The following PHYH variants were observed in gnomAD, a reference collection of about 807,000 sequenced individuals.
PHYH encodes the protein phytanoyl-CoA 2-hydroxylase.
PHYH carries 32 observed loss-of-function variants against 38.5 expected under a neutral mutation model. The observed-to-expected ratio is 0.83, with a 90% CI of 0.63 to 1.12. PHYH has a LOEUF of 1.12. PHYH is among the 50% of genes most tolerant of loss of function. PHYH has a pLI of 0.00. For missense variants in PHYH, 426 were observed against 434.8 expected, an observed-to-expected ratio of 0.98 and a Z score of 0.18; for synonymous variants, 166 against 157.9, an observed-to-expected ratio of 1.05 and a Z score of -0.38.
chr10:13,294,876 T>G, intron 3 of PHYH: 1 of 451,220 alleles, frequency 2.2e-6, no homozygotes, highest in Non-Finnish European at 4.1e-6. Flanking sequence ...TCTGTAACAC[T>G]TACCATGTGC....
chr10:13,291,372 A>G (rs1016617164), intron 5 of PHYH: 1 of 177,924 alleles, frequency 5.6e-6, no homozygotes, highest in Non-Finnish European at 1.2e-5. Flanking sequence ...TAATTACCAC[A>G]TTTCACTGTT....
chr10:13,290,182 C>G (rs1156488601), intron 5 of PHYH, among the ~76,000 whole-genome samples: 1 of 145,314 alleles, frequency 6.9e-6, no homozygotes, highest in Non-Finnish European at 1.5e-5. Context: ...GTAATCCCAG[C>G]TATTCAGGAG....
intron 2 of PHYH, among the ~76,000 whole-genome samples, chr10:13,297,404 AAAG>A (rs1832590957): frequency 6.6e-6 from 1 of 151,602 alleles, no homozygotes; most frequent in Admixed American, 6.6e-5. Context: ...AAGATAAACC[AAAG>A]ATGCTAGCTA....
chr10:13,281,447 A>G (rs990843967), intron 7 of PHYH, among the ~76,000 whole-genome samples: 1 of 152,000 alleles, frequency 6.6e-6, no homozygotes, highest in Non-Finnish European at 1.5e-5. Flanking sequence ...GAATATCCCA[A>G]AGTCTTAAGA....
At chr10:13,283,131 A>ATTTTTTTTTTTTTTT (rs398012850) in intron 7 of PHYH, among the ~76,000 whole-genome samples, 2 of 117,926 alleles carry the variant, frequency 1.7e-5, no homozygotes, top group African/African-American at 3.5e-5. Flanking sequence ...TTCATAATCA[A>ATTTTTTTTTTTTTTT]TTTTTTTTTT....
chr10:13,278,353 T>C lies in PHYH; in HGVS notation c.965A>G (p.Asp322Gly). 1.2e-6 allele frequency: 2 copies of C among 1,609,464 alleles called. No individual in the cohort carries two copies. Among genetic ancestry groups the C allele is most frequent in the Non-Finnish European group, 1.7e-6 (2 of 1,175,834 alleles). Reference sequence around the variant, plus strand: ...AAGTCGAGCTCGAAACATCCAAATATCCTGGAAATAATATCAAACAGAGTG... The same window carrying C: ...AAGTCGAGCTCGAAACATCCAAATACCCTGGAAATAATATCAAACAGAGTG... ...FGAENSVNLK[D>G]IWMFRARLVK... The change falls in exon 9 of 9, where the codon GAT becomes GGT. Residue 322 changes from aspartate (D) to glycine (G), a missense_variant and splice_region_variant. Transcript: ENST00000263038.
At chr10:13,278,566 G>T (rs117176553) in intron 8 of PHYH, among the ~76,000 whole-genome samples, 1 of 152,128 alleles carries the variant, frequency 6.6e-6, no homozygotes, top group African/African-American at 2.4e-5. Context: ...TGGGGACACA[G>T]TCTCACCCCA....
chr10:13,288,332 T>G (rs1835605893), intron 6 of PHYH, 28 bp downstream of exon 6: 2 of 1,608,826 alleles, frequency 1.2e-6, no homozygotes, highest in Middle Eastern at 2.0e-4. Context: ...GAGATTCGGA[T>G]CAAGACTCAG....
intron 4 of PHYH, among the ~76,000 whole-genome samples, chr10:13,292,933 C>A (rs1213088543): frequency 1.4e-4 from 15 of 109,868 alleles, no homozygotes; most frequent in African/African-American, 4.9e-4. Flanking sequence ...GACTCTGTCT[C>A]AAAAAAAAAA....
chr10:13,283,167 C>T (rs376447833), intron 7 of PHYH, among the ~76,000 whole-genome samples: 8 of 134,248 alleles, frequency 6.0e-5, no homozygotes, highest in East Asian at 2.2e-4. Flanking sequence ...GTCTCGCTGT[C>T]GCCCAGGCTG....
chr10:13,278,700 T>C (rs1474252357), intron 8 of PHYH, among the ~76,000 whole-genome samples: 2 of 151,642 alleles, frequency 1.3e-5, no homozygotes, highest in African/African-American at 4.8e-5. Context: ...AGCTAACTTT[T>C]TGTATTTTCA....
chr10:13,283,859 A>T lies in PHYH; in HGVS notation c.679-20T>A, dbSNP rs752263290. On this transcript the variant is annotated intron_variant, in intron 6 of 8. Coordinates refer to ENST00000263038, the MANE Select transcript of PHYH (RefSeq NM_006214.4). The stretch of plus-strand genomic sequence containing the variant: ...TCCCCCCTAGAACAAGAGGCAAGTG[A>T]AGTCTACATTTGAGGGAGTACCATA... 1.9e-5 allele frequency: 30 copies of T among 1,608,292 alleles called. No individual in the cohort carries two copies. The highest frequency in any genetic ancestry group is 2.3e-5 in the Non-Finnish European group (27 of 1,174,756).
At chr10:13,278,639 C>T (rs1232763404) in intron 8 of PHYH, among the ~76,000 whole-genome samples, 1 of 152,012 alleles carries the variant, frequency 6.6e-6, no homozygotes, top group Non-Finnish European at 1.5e-5. Context: ...AGCGACTCTC[C>T]TGCCTCAGCC....
At position 13,277,953 on chromosome 10, in the gene PHYH, C is replaced by T. The variant is rs1835326212; in HGVS notation, c.*348G>A. The T allele has an allele frequency of 3.0e-6, 1 of 333,624 alleles. No individual in the cohort carries two copies. Among genetic ancestry groups the T allele is most frequent in the Non-Finnish European group, 5.8e-6 (1 of 173,842 alleles). 20.7% of individuals were successfully genotyped at this position (333,624 alleles called of 1,614,324 possible). A position where few individuals can be genotyped will look rare whatever the true frequency, so the allele number is the denominator to read the frequency against. ...GAATGGGTTTATCAGAAAGGGGATA[C>T]AAAACATACCCTAAGCTCCAAATCA... On this transcript the variant is annotated 3_prime_UTR_variant, in exon 9 of 9. Coordinates refer to ENST00000263038, the MANE Select transcript of PHYH (RefSeq NM_006214.4).
At chr10:13,296,546 G>A (rs1409785714) in intron 2 of PHYH, among the ~76,000 whole-genome samples, 3 of 137,038 alleles carry the variant, frequency 2.2e-5, no homozygotes, top group Non-Finnish European at 4.6e-5. Flanking sequence ...CTGGGTGACA[G>A]AGCAAGGCTC....
Position 13,288,403 on chromosome 10 carries a change from G to T in PHYH, c.635C>A (p.Thr212Lys). The change falls in exon 6 of 9, where the codon ACA becomes AAA. Residue 212 changes from threonine (T) to lysine (K), a missense_variant. Coordinates refer to ENST00000263038, the MANE Select transcript of PHYH (RefSeq NM_006214.4). ...NNGCLVVLPG[T>K]HKGSLKPHDY... ...GTGGGGCTTCAGGGAGCCCTTGTGT[G>T]TGCCTGGGAGCACAACCAGACAGCC... The T allele has an allele frequency of 6.2e-7, 1 of 1,614,142 alleles. No homozygotes were observed. Among genetic ancestry groups the T allele is most frequent in the Non-Finnish European group, 8.5e-7 (1 of 1,180,028 alleles).
In PHYH at chr10:13,298,251, A is replaced by G. The variant is rs780853782; in HGVS notation, c.76-6T>C. 6.3e-7 allele frequency: 1 copy of G among 1,587,666 alleles called. No individual in the cohort carries two copies. The highest frequency in any genetic ancestry group is 8.6e-7 in the Non-Finnish European group (1 of 1,156,106). On this transcript the variant is annotated splice_region_variant and splice_polypyrimidine_tract_variant and intron_variant, in intron 1 of 8. Transcript: ENST00000263038. ...CCTGAAGTGGGATGAGCTACCTAGG[A>G]TGTGAATTAAGGCAAATAAAGTAAA...
chr10:13,287,233 G>T lies in PHYH; in HGVS notation c.678+1127C>A, dbSNP rs143918889. ...GCGCGCCTATAATCCCAGCTACTCG[G>T]GAGTCTGAGGCAGGAGAATCACCTG... On this transcript the variant is annotated intron_variant, in intron 6 of 8. Coordinates refer to ENST00000263038, the MANE Select transcript of PHYH (RefSeq NM_006214.4). 2.3e-3 allele frequency among the ~76,000 whole-genome samples: 346 copies of T among 152,130 alleles called. 2 individuals carry two copies. The highest frequency in any genetic ancestry group is 8.1e-3 in the African/African-American group (335 of 41,506).
intron 7 of PHYH, among the ~76,000 whole-genome samples, chr10:13,282,369 T>C (rs1835432455): frequency 6.6e-6 from 1 of 152,130 alleles, no homozygotes; most frequent in Admixed American, 6.6e-5. Context: ...GGTGAGACGA[T>C]CACTCAAGGC....
Sources: allele counts gnomAD v4.1 joint callset (sites outside exome capture counted in the v4.1 genomes callset), GRCh38; gene constraint gnomAD v4.1.1; transcripts MANE v1.5; gene names NCBI Gene and HGNC (gene_info 2026-07-23, HGNC 2026-07-21).